Variants in SCN9A observed in about 807,000 individuals in gnomAD.
SCN9A encodes sodium voltage-gated channel alpha subunit 9.
A neutral mutation model predicts 187.0 loss-of-function variants in SCN9A; 131 were observed. The observed-to-expected ratio is 0.70, with a 90% confidence interval of 0.61 to 0.81. The LOEUF (loss-of-function observed/expected upper bound fraction) is 0.81. Among genes scored for constraint, SCN9A ranks in the 30% least tolerant of loss-of-function variants. The probability of loss-of-function intolerance (pLI) is 0.00; values close to 1 mark genes in which losing one functional copy is unlikely to be tolerated. For synonymous variants in SCN9A, 809 were observed against 808.6 expected (o/e 1.00, Z -0.01); for missense variants, 2,252 against 2,396.6 (o/e 0.94, Z 1.26).
In SCN9A at chr2:166,302,964, G is replaced by GT. The variant is rs1183818634; in HGVS notation, c.901+125dup. ...ATATAACATGACCCAAATTCACACT[G>GT]TAGCAGCTTTCTATATATTTGAATA... is the stretch of plus-strand genomic sequence containing the variant. On this transcript the variant is annotated intron_variant, in intron 7 of 26. Transcript: ENST00000642356. 1.2e-5 allele frequency: 9 copies of GT among 774,966 alleles called. 1 individual carries two copies. Among genetic ancestry groups the GT allele is most frequent in the Admixed American group, 2.8e-5 (1 of 35,740 alleles). 48.0% of individuals were successfully genotyped at this position (774,966 alleles called of 1,614,324 possible). A position where few individuals can be genotyped will look rare whatever the true frequency, so the allele number is the denominator to read the frequency against.
At chr2:166,330,825 G>A (rs1699484008) in intron 1 of SCN9A, among the ~76,000 whole-genome samples, 1 of 152,138 alleles carries the variant, frequency 6.6e-6, no homozygotes, top group African/African-American at 2.4e-5. Context: ...AGGTGGTAAT[G>A]TTCACTGGGC....
chr2:166,269,795 T>G (rs560420267), intron 17 of SCN9A, among the ~76,000 whole-genome samples: 1 of 152,230 alleles, frequency 6.6e-6, no homozygotes, highest in African/African-American at 2.4e-5. Context: ...TAATTCCTCA[T>G]AAATGTTAAG....
rs186644815 is a variant in SCN9A at position 166,244,611 on chromosome 2, C to T, written c.3473-1955G>A. On this transcript the variant is annotated intron_variant, in intron 18 of 26. Transcript: ENST00000642356. ...CTATTGTGCATCTCTTCTTTCTGGA[C>T]GGTGGTCTATTCTCTCTGGATTATT... 1.8e-3 allele frequency among the ~76,000 whole-genome samples: 281 copies of T among 151,976 alleles called. 4 individuals carry two copies. Among genetic ancestry groups the T allele is most frequent in the Non-Finnish European group, 5.2e-4 (35 of 67,926 alleles).
At position 166,212,438 on chromosome 2, in the gene SCN9A, T is replaced by C. The variant is rs569592749; in HGVS notation, c.4399-7974A>G. On this transcript the variant is annotated intron_variant, in intron 24 of 26. Transcript: ENST00000642356. ...AAAGAGTTAATTCATCAAGAAGATA[T>C]AACAATTATAAATATATGTGAATCC... 3.0e-4 allele frequency among the ~76,000 whole-genome samples: 46 copies of C among 152,276 alleles called. No homozygotes were observed. In the South Asian group the frequency reaches 6.2e-3, roughly 21 times the overall value.
chr2:166,367,713 A>G (rs1354889379), intron 1 of SCN9A, among the ~76,000 whole-genome samples: 6 of 152,368 alleles, frequency 3.9e-5, no homozygotes, highest in South Asian at 2.1e-4. Flanking sequence ...AAGTCACAGT[A>G]GTGCAATAAT....
chr2:166,265,109 A>G (rs1484298034), intron 17 of SCN9A, among the ~76,000 whole-genome samples: 1 of 151,964 alleles, frequency 6.6e-6, no homozygotes, highest in East Asian at 1.9e-4. Context: ...TATACAACAC[A>G]TTATGGTTAA....
At chr2:166,255,787 G>A (rs547272637) in intron 17 of SCN9A, among the ~76,000 whole-genome samples, 15 of 151,584 alleles carry the variant, frequency 9.9e-5, no homozygotes, top group African/African-American at 3.1e-4. Flanking sequence ...GTTGAGAGAA[G>A]CAAATCAAAA....
chr2:166,233,207 G>GTATT (rs1356554457), intron 21 of SCN9A, 133 bp downstream of exon 21: 4 of 554,534 alleles, frequency 7.2e-6, no homozygotes, highest in East Asian at 3.5e-5. Flanking sequence ...ATATGTATAT[G>GTATT]TACACACACA....
At chr2:166,321,478 A>G (rs4459751) in intron 1 of SCN9A, 94,889 of 150,986 alleles carry the variant, frequency 0.63, 30,391 homozygotes, top group African/African-American at 0.73. Context: ...AGCCATGATC[A>G]CACCACTGCG....
intron 1 of SCN9A, among the ~76,000 whole-genome samples, chr2:166,359,883 T>A (rs1254635862): frequency 6.6e-6 from 1 of 151,382 alleles, no homozygotes; most frequent in Non-Finnish European, 1.5e-5. Context: ...TAGAAGTTAG[T>A]CTTATGTATA....
rs181791234 is a variant in SCN9A at position 166,227,560 on chromosome 2, A to C, written c.4260+110T>G. ...GGCTACTATCAGGTGGATGTTCTTC[A>C]TTGTCTATGTGAGTCCCAAGGGCTT... On this transcript the variant is annotated intron_variant, in intron 23 of 26. Transcript: ENST00000642356. The C allele has an allele frequency of 8.5e-5, 60 of 707,168 alleles. 2 individuals carry two copies. In the East Asian group the frequency reaches 1.2e-3, roughly 14 times the overall value. 43.8% of individuals were successfully genotyped at this position (707,168 alleles called of 1,614,324 possible).
At chr2:166,326,479 T>C (rs1208137278) in intron 1 of SCN9A, among the ~76,000 whole-genome samples, 17 of 152,192 alleles carry the variant, frequency 1.1e-4, no homozygotes, top group Admixed American at 1.1e-3. Flanking sequence ...CTTATAAATT[T>C]GATTCAATCC....
Position 166,196,660 on chromosome 2 carries a change from A to G in SCN9A, c.*2012T>C, listed in dbSNP as rs561611241. The G allele has an allele frequency of 5.9e-5, 9 of 152,280 alleles. No homozygotes were observed. The highest frequency in any genetic ancestry group is 2.2e-4 in the African/African-American group (9 of 41,576). 9.4% of individuals were successfully genotyped at this position (152,280 alleles called of 1,614,324 possible). On this transcript the variant is annotated 3_prime_UTR_variant, in exon 27 of 27. Coordinates refer to ENST00000642356, the MANE Select transcript of SCN9A (RefSeq NM_001365536.1). ...TTGAATGTATTTAAAAATCTGATAA[A>G]TGTAATATATTTTGTATAGGTCCCT...
chr2:166,301,347 C>T (rs1194250555), intron 7 of SCN9A: 1 of 150,412 alleles, frequency 6.6e-6, no homozygotes, highest in Non-Finnish European at 1.5e-5. Context: ...GCTGATTTAT[C>T]AGACAATGTC....
intron 13 of SCN9A, 42 bp from the exon 14 acceptor site, chr2:166,280,637 T>C (rs1455236109): frequency 1.7e-6 from 2 of 1,146,150 alleles, no homozygotes; most frequent in South Asian, 2.8e-5. Flanking sequence ...GCCATTTGTC[T>C]GTTTCACTCC....
At chr2:166,340,833 G>A (rs970942905) in intron 1 of SCN9A, among the ~76,000 whole-genome samples, 8 of 151,676 alleles carry the variant, frequency 5.3e-5, no homozygotes, top group African/African-American at 1.2e-4. Context: ...ATGTTGCCCC[G>A]GCTGGTCTTG....
chr2:166,252,552 T>C lies in SCN9A; in HGVS notation c.3352-667A>G, dbSNP rs555626107. Reference sequence around the variant, plus strand: ...ATTTTGTATATAACATTTTAGTATATAGTAGAAAAGATCAAACAGTATTAT... The same window carrying C: ...ATTTTGTATATAACATTTTAGTATACAGTAGAAAAGATCAAACAGTATTAT... On this transcript the variant is annotated intron_variant, in intron 17 of 26. Coordinates refer to ENST00000642356, the MANE Select transcript of SCN9A (RefSeq NM_001365536.1). Among the ~76,000 whole-genome samples the C allele has an allele frequency of 1.1e-3, 161 of 151,912 alleles. 1 individual carries two copies. Among genetic ancestry groups the C allele is most frequent in the African/African-American group, 3.7e-3 (155 of 41,484 alleles).
intron 7 of SCN9A, among the ~76,000 whole-genome samples, chr2:166,297,215 A>AAAAAAAAAAAAAAAAAAAAAAAAAAAAC (rs1698351294): frequency 6.8e-6 from 1 of 146,266 alleles, no homozygotes; most frequent in Non-Finnish European, 1.5e-5. Context: ...AAAAAAAAAA[A>AAAAAAAAAAAAAAAAAAAAAAAAAAAAC]AAAAAAAAAA....
intron 20 of SCN9A, among the ~76,000 whole-genome samples, chr2:166,234,019 G>A (rs1423647038): frequency 6.6e-6 from 1 of 152,078 alleles, no homozygotes; most frequent in African/African-American, 2.4e-5. Context: ...AGTTTTTCAT[G>A]GGAGAAAAAT....
Sources: allele counts gnomAD v4.1 joint callset (sites outside exome capture counted in the v4.1 genomes callset), GRCh38; gene constraint gnomAD v4.1.1; transcripts MANE v1.5; gene names NCBI Gene and HGNC (gene_info 2026-07-23, HGNC 2026-07-21).